UGT2B7: variants seen among roughly 807,000 people sequenced by gnomAD.
The protein encoded by UGT2B7 is UDP-glucuronosyltransferase 2B7.
Under a neutral mutation model 51.9 loss-of-function variants are expected in UGT2B7, and 51 were observed. The ratio of observed to expected loss-of-function variants is 0.98; its 90% CI spans 0.78 to 1.24. The LOEUF is 1.24. UGT2B7 is among the 50% of genes most tolerant of loss of function. The pLI is 0.00. For missense variants in UGT2B7, 727 were observed against 628.4 expected (o/e 1.16, Z -1.68); for synonymous variants, 225 against 211.6 (o/e 1.06, Z -0.55).
intron 1 of UGT2B7, among the ~76,000 whole-genome samples, chr4:69,062,222 G>T (rs530821510): frequency 7.9e-5 from 12 of 152,114 alleles, no homozygotes; most frequent in Non-Finnish European, 1.5e-4. Flanking sequence ...TCCAAGTCAG[G>T]TGCACCCCCA....
intron 1 of UGT2B7, among the ~76,000 whole-genome samples, chr4:69,065,957 C>T (rs1718474921): frequency 6.6e-6 from 1 of 151,954 alleles, no homozygotes; most frequent in Non-Finnish European, 1.5e-5. Flanking sequence ...ATGTATGAAA[C>T]ATCATGATTG....
In UGT2B7 at chr4:69,097,143, T is replaced by G. The variant is rs1450038408; in HGVS notation, c.623T>G (p.Met208Arg). ...GAATTAACTGATCAAATGACTTTCA[T>G]GGAGAGGGTAAAAAATATGATCTAT... The part of the protein sequence containing the change: ...MSELTDQMTF[M>R]ERVKNMIYVL... Residue 208 changes from methionine to arginine, a missense_variant, in exon 1 of 6, where the codon ATG becomes AGG. By Grantham distance (91) the Met-to-Arg change is moderately conservative (BLOSUM62 -1). Coordinates refer to ENST00000305231, the MANE Select transcript of UGT2B7 (RefSeq NM_001074.4). The G allele has an allele frequency of 6.2e-7, 1 of 1,613,580 alleles. No homozygotes were observed. The highest frequency in any genetic ancestry group is 1.1e-5 in the South Asian group (1 of 91,060).
chr4:69,099,997 C>T (rs970508706), intron 2 of UGT2B7, among the ~76,000 whole-genome samples: 29 of 152,106 alleles, frequency 1.9e-4, no homozygotes, highest in African/African-American at 6.0e-4. Flanking sequence ...AAAACACTTC[C>T]TCAACAATAG....
chr4:69,086,311 T>C (rs1243843279), intron 1 of UGT2B7, among the ~76,000 whole-genome samples: 1 of 152,004 alleles, frequency 6.6e-6, no homozygotes, highest in Admixed American at 6.6e-5. Flanking sequence ...CTTTCTTTTA[T>C]TGATTTCTAG....
chr4:69,084,422 T>C (rs1200826078), intron 1 of UGT2B7, among the ~76,000 whole-genome samples: 1 of 97,416 alleles, frequency 1.0e-5, no homozygotes, highest in African/African-American at 5.1e-5. Context: ...CTCTTTAATG[T>C]TTTGGAAAAA....
intron 2 of UGT2B7, among the ~76,000 whole-genome samples, chr4:69,099,341 A>G (rs544351610): frequency 1.3e-5 from 2 of 151,824 alleles, no homozygotes; most frequent in Admixed American, 1.3e-4. Context: ...GGGAGAGACT[A>G]AGACTCGGAT....
chr4:69,082,610 C>CT (rs1718864741), intron 1 of UGT2B7, among the ~76,000 whole-genome samples: 5 of 151,962 alleles, frequency 3.3e-5, no homozygotes, highest in Admixed American at 6.6e-5. Flanking sequence ...GGCTGAAATA[C>CT]ATGAGGGAGC....
intron 1 of UGT2B7, among the ~76,000 whole-genome samples, chr4:69,080,130 T>C (rs1204637576): frequency 6.6e-6 from 1 of 152,114 alleles, no homozygotes. Context: ...TCCTCTCAAA[T>C]AGGTTCTGCT....
At chr4:69,111,040 G>A (rs749574905) in intron 5 of UGT2B7, among the ~76,000 whole-genome samples, 28 of 152,204 alleles carry the variant, frequency 1.8e-4, no homozygotes, top group Non-Finnish European at 3.8e-4. Flanking sequence ...AACATTAGAA[G>A]GAAGCCACAA....
chr4:69,052,822 C>G (rs1718070744), intron 1 of UGT2B7, among the ~76,000 whole-genome samples: 1 of 151,844 alleles, frequency 6.6e-6, no homozygotes, highest in Non-Finnish European at 1.5e-5. Flanking sequence ...AGTTTATGTG[C>G]AAAGTGTATA....
chr4:69,102,668 G>A (rs1239735245), intron 2 of UGT2B7, 139 bp from the exon 3 acceptor site: 10 of 1,315,614 alleles, frequency 7.6e-6, no homozygotes, highest in East Asian at 2.6e-5. Flanking sequence ...TGAGTGATTG[G>A]GTCAGTTAAA....
intron 1 of UGT2B7, among the ~76,000 whole-genome samples, chr4:69,098,097 A>G (rs757112305): frequency 6.6e-6 from 1 of 152,036 alleles, no homozygotes; most frequent in African/African-American, 2.4e-5. Flanking sequence ...AGATAAAAGA[A>G]TTAGCTTAAT....
In UGT2B7 at chr4:69,057,607, A is replaced by G. The variant is rs1718235513; in HGVS notation, c.-159+6005A>G. ...ATATTCATAACAGCACTATTACAAA[A>G]GCTCAGACCTTGAAACAATCCCAGC... On this transcript the variant is annotated intron_variant, in intron 1 of 5. Coordinates refer to the UGT2B7 transcript ENST00000502942. Among the ~76,000 whole-genome samples the G allele has an allele frequency of 2.0e-5, 3 of 152,230 alleles. 1 individual carries two copies. The South Asian group carries it at 6.2e-4, about 31-fold the overall frequency.
intron 1 of UGT2B7, among the ~76,000 whole-genome samples, chr4:69,078,264 CTTG>C (rs1315232095): frequency 1.3e-5 from 2 of 151,922 alleles, no homozygotes; most frequent in African/African-American, 4.8e-5. Flanking sequence ...ATTTTCTTTT[CTTG>C]TTGTGGTTCT....
intron 3 of UGT2B7, among the ~76,000 whole-genome samples, chr4:69,105,013 T>G (rs1020140785): frequency 6.6e-6 from 1 of 152,058 alleles, no homozygotes; most frequent in Non-Finnish European, 1.5e-5. Flanking sequence ...CAGATAGATT[T>G]AGAGAAAGAG....
At chr4:69,064,088 GAAAGAAAGAGAAAGAAAGAAAGAAAA>G (rs1168958662) in intron 1 of UGT2B7, among the ~76,000 whole-genome samples, 77 of 104,794 alleles carry the variant, frequency 7.3e-4, no homozygotes, top group African/African-American at 3.1e-3. Flanking sequence ...AAGAAAGAAA[GAAAGAAAGAGAAAGAAAGAAAGAAAA>G]AGAAAGAAAG....
chr4:69,063,948 A>C (rs969575463), intron 1 of UGT2B7, among the ~76,000 whole-genome samples: 1 of 151,786 alleles, frequency 6.6e-6, no homozygotes, highest in African/African-American at 2.4e-5. Context: ...ACTTGTAATG[A>C]GGAATTAAAT....
At chr4:69,071,215 T>C (rs4400060) in intron 1 of UGT2B7, among the ~76,000 whole-genome samples, 65,174 of 151,934 alleles carry the variant, frequency 0.43, 15,536 homozygotes, top group African/African-American at 0.64. Flanking sequence ...GATTTCTCTC[T>C]TGAAATATGA....
chr4:69,103,021 G>C, intron 3 of UGT2B7, 83 bp downstream of exon 3: 1 of 1,547,700 alleles, frequency 6.5e-7, no homozygotes, highest in Middle Eastern at 1.8e-4. Context: ...AGAAACTTCT[G>C]ATAAATGTGA....
Sources: gnomAD v4.1 joint callset for allele counts (sites outside exome capture counted in the v4.1 genomes callset) on GRCh38, gnomAD v4.1.1 for gene constraint, MANE v1.5 for transcripts, NCBI Gene and HGNC (gene_info 2026-07-23, HGNC 2026-07-21) for gene names.